DOK6: variants seen among roughly 807,000 people sequenced by gnomAD.
DOK6 encodes docking protein 6.
Under a neutral mutation model 44.0 loss-of-function variants are expected in DOK6, and 22 were observed. That is an observed-to-expected ratio of 0.50 (90% CI 0.36 to 0.71). The LOEUF is 0.71. Among genes scored for constraint, DOK6 ranks in the 30% least tolerant of loss-of-function variants. The probability of loss-of-function intolerance (pLI) is 0.00; values close to 1 mark genes in which losing one functional copy is unlikely to be tolerated. For synonymous variants in DOK6, 166 were observed against 145.5 expected (o/e 1.14, Z -1.01); for missense variants, 340 against 416.4 (o/e 0.82, Z 1.60).
intron 1 of DOK6, among the ~76,000 whole-genome samples, chr18:69,541,446 A>T (rs1982266624): frequency 6.6e-6 from 1 of 151,546 alleles, no homozygotes; most frequent in African/African-American, 2.4e-5. Context: ...TATATATTTT[A>T]AAAACCCAAC....
chr18:69,596,286 C>T, intron 2 of DOK6, among the ~76,000 whole-genome samples: 1 of 152,062 alleles, frequency 6.6e-6, no homozygotes, highest in East Asian at 1.9e-4. Context: ...AGAAATCAGC[C>T]TGCAAATAGT....
At chr18:69,737,771 G>A (rs1568111166) in intron 5 of DOK6, among the ~76,000 whole-genome samples, 1 of 152,148 alleles carries the variant, frequency 6.6e-6, no homozygotes, top group Non-Finnish European at 1.5e-5. Context: ...CAAATCCCAG[G>A]AAGTGGACAA....
chr18:69,693,451 A>G (rs924762861), intron 4 of DOK6, among the ~76,000 whole-genome samples: 1 of 152,120 alleles, frequency 6.6e-6, no homozygotes, highest in Non-Finnish European at 1.5e-5. Context: ...ATGCACACTT[A>G]TTTAATACAT....
In DOK6 at chr18:69,405,930, G is replaced by C. The variant is rs994972292; in HGVS notation, c.66+4620G>C. ...AATGAGTGTGTTTCAGTCTTTACTT[G>C]TCTAGAATATTGTGAATCCTGGACA... On this transcript the variant is annotated intron_variant, in intron 1 of 7. Transcript: ENST00000382713. Among the ~76,000 whole-genome samples, 11 of 152,250 alleles carry C rather than the reference G, an allele frequency of 7.2e-5. No homozygotes were observed. In the East Asian group the frequency reaches 2.1e-3, roughly 29 times the overall value.
chr18:69,818,414 A>C (rs4891777), intron 7 of DOK6, among the ~76,000 whole-genome samples: 132,945 of 152,106 alleles, frequency 0.87, 59,627 homozygotes, highest in Non-Finnish European at 0.98. Context: ...GAAGAACTGG[A>C]GTATGTGATT....
At chr18:69,403,948 C>T (rs1189999765) in intron 1 of DOK6, among the ~76,000 whole-genome samples, 1 of 152,080 alleles carries the variant, frequency 6.6e-6, no homozygotes, top group Non-Finnish European at 1.5e-5. Flanking sequence ...ACTCCAAGGA[C>T]ACGATGAGTT....
intron 1 of DOK6, among the ~76,000 whole-genome samples, chr18:69,511,673 C>A (rs565979926): frequency 6.6e-6 from 1 of 152,110 alleles, no homozygotes; most frequent in African/African-American, 2.4e-5. Flanking sequence ...ATCTCCTTAA[C>A]GGTTATTACA....
chr18:69,581,394 A>G (rs562857340), intron 2 of DOK6, among the ~76,000 whole-genome samples: 59 of 152,338 alleles, frequency 3.9e-4, no homozygotes, highest in Non-Finnish European at 7.1e-4. Context: ...ACGTGCTTAC[A>G]CTGTCATTTT....
chr18:69,572,181 T>C (rs1983130029), intron 2 of DOK6, among the ~76,000 whole-genome samples: 3 of 152,224 alleles, frequency 2.0e-5, no homozygotes, highest in African/African-American at 7.2e-5. Context: ...AAAAATAGAT[T>C]GCAATAAGCC....
chr18:69,751,761 T>G (rs757106788), intron 6 of DOK6, among the ~76,000 whole-genome samples: 2 of 152,124 alleles, frequency 1.3e-5, no homozygotes, highest in Non-Finnish European at 2.9e-5. Context: ...TGGCAGTGCT[T>G]TGGGAGACTG....
intron 1 of DOK6, among the ~76,000 whole-genome samples, chr18:69,528,968 G>T (rs1981912211): frequency 6.6e-6 from 1 of 152,114 alleles, no homozygotes; most frequent in African/African-American, 2.4e-5. Context: ...TCACCTGAAG[G>T]AAGTCAACTG....
chr18:69,564,361 C>T, intron 1 of DOK6, 126 bp from the exon 2 acceptor site: 1 of 681,678 alleles, frequency 1.5e-6, no homozygotes. Flanking sequence ...TAATTAAGAA[C>T]ATGTTTGTCA....
chr18:69,530,070 C>A (rs1981941809), intron 1 of DOK6, among the ~76,000 whole-genome samples: 1 of 152,098 alleles, frequency 6.6e-6, no homozygotes, highest in Non-Finnish European at 1.5e-5. Context: ...CTATAAAAAG[C>A]ACTCAAAATT....
intron 5 of DOK6, among the ~76,000 whole-genome samples, chr18:69,699,326 T>C (rs1216493632): frequency 1.3e-5 from 2 of 152,212 alleles, no homozygotes; most frequent in Admixed American, 6.5e-5. Context: ...AAGGCAATTA[T>C]AGTGAAGTTT....
At chr18:69,822,607 A>C (rs1180011226) in intron 7 of DOK6, among the ~76,000 whole-genome samples, 1 of 152,200 alleles carries the variant, frequency 6.6e-6, no homozygotes, top group Non-Finnish European at 1.5e-5. Flanking sequence ...TACTGGAAAA[A>C]ACAAATCTTC....
rs1186213080 is a variant in DOK6 at position 69,841,094 on chromosome 18, CTTGAGCTCAATA to C, written c.857-144_857-133del. 21 of 940,020 alleles carry C rather than the reference CTTGAGCTCAATA, an allele frequency of 2.2e-5. No individual in the cohort carries two copies. In the African/African-American group the frequency reaches 2.3e-4, roughly 10 times the overall value. The allele number at this position is 940,020 out of a possible 1,614,324, so 58.2% of individuals were successfully genotyped here. On this transcript the variant is annotated intron_variant, in intron 7 of 7. Coordinates refer to ENST00000382713, the MANE Select transcript of DOK6 (RefSeq NM_152721.6). ...GATTGCTCAATTTTTACCAACTTAT[CTTGAGCTCAATA>C]TTGAGGATGTGAAAGCTGCTGCCTT...
chr18:69,667,579 T>C (rs148640078), intron 3 of DOK6, among the ~76,000 whole-genome samples: 2 of 152,326 alleles, frequency 1.3e-5, no homozygotes, highest in African/African-American at 4.8e-5. Context: ...TTACAATCAA[T>C]TTTTGGACTT....
At chr18:69,417,917 T>C (rs1978383249) in intron 1 of DOK6, among the ~76,000 whole-genome samples, 1 of 152,200 alleles carries the variant, frequency 6.6e-6, no homozygotes, top group Non-Finnish European at 1.5e-5. Flanking sequence ...TTTATATTGC[T>C]ATTGAGTTGT....
intron 4 of DOK6, among the ~76,000 whole-genome samples, chr18:69,679,820 A>T (rs1986005193): frequency 1.3e-5 from 2 of 152,182 alleles, no homozygotes; most frequent in South Asian, 4.1e-4. Context: ...TTTGATAATA[A>T]GGTCAAAGTA....
Sources: gnomAD v4.1 joint callset for allele counts (sites outside exome capture counted in the v4.1 genomes callset) on GRCh38, gnomAD v4.1.1 for gene constraint, MANE v1.5 for transcripts, NCBI Gene and HGNC (gene_info 2026-07-23, HGNC 2026-07-21) for gene names.